Variants in ARHGAP26 observed in about 807,000 individuals in gnomAD.
ARHGAP26 encodes rho GTPase-activating protein 26.
ARHGAP26 carries 38 observed loss-of-function variants against 104.8 expected under a neutral mutation model. The observed-to-expected ratio is 0.36, with a 90% CI of 0.28 to 0.48. ARHGAP26 has a LOEUF of 0.48. Among genes scored for constraint, ARHGAP26 ranks in the 20% least tolerant of loss-of-function variants. The probability of loss-of-function intolerance (pLI) is 0.99; values close to 1 mark genes in which losing one functional copy is unlikely to be tolerated. For missense variants in ARHGAP26, 704 were observed against 947.9 expected, an observed-to-expected ratio of 0.74 and a Z score of 3.38; for synonymous variants, 341 against 340.0, an observed-to-expected ratio of 1.00 and a Z score of -0.03.
intron 20 of ARHGAP26, among the ~76,000 whole-genome samples, chr5:143,192,123 A>G (rs1026878230): frequency 2.0e-5 from 3 of 152,234 alleles, no homozygotes; most frequent in Non-Finnish European, 4.4e-5. Context: ...TAAAAGAGGG[A>G]TAAGACAACT....
intron 20 of ARHGAP26, among the ~76,000 whole-genome samples, chr5:143,173,874 G>A (rs550095285): frequency 6.6e-6 from 1 of 152,158 alleles, no homozygotes; most frequent in Non-Finnish European, 1.5e-5. Flanking sequence ...TTTTTCTTTG[G>A]TGAAGGCTGT....
chr5:143,050,023 C>T (rs971924989), intron 14 of ARHGAP26, among the ~76,000 whole-genome samples: 1 of 152,160 alleles, frequency 6.6e-6, no homozygotes, highest in African/African-American at 2.4e-5. Flanking sequence ...AGAAAGTAGC[C>T]CCCAAAAGTG....
At chr5:143,075,943 C>G (rs1277850009) in intron 17 of ARHGAP26, among the ~76,000 whole-genome samples, 1 of 151,862 alleles carries the variant, frequency 6.6e-6, no homozygotes, top group Non-Finnish European at 1.5e-5. Context: ...AAACAGTCCA[C>G]CCACCTCATC....
At chr5:143,131,494 A>T (rs1797348856) in intron 18 of ARHGAP26, among the ~76,000 whole-genome samples, 1 of 152,214 alleles carries the variant, frequency 6.6e-6, no homozygotes, top group Non-Finnish European at 1.5e-5. Context: ...ATTCATTTTC[A>T]AATGCTCTTA....
chr5:143,167,212 A>G (rs1200885111), intron 20 of ARHGAP26, among the ~76,000 whole-genome samples: 1 of 151,454 alleles, frequency 6.6e-6, no homozygotes, highest in East Asian at 1.9e-4. Flanking sequence ...CATGCTTGTA[A>G]TGTCAGCATG....
At chr5:142,825,670 C>CT (rs1191044099) in intron 1 of ARHGAP26, among the ~76,000 whole-genome samples, 1 of 152,092 alleles carries the variant, frequency 6.6e-6, no homozygotes, top group East Asian at 1.9e-4. Context: ...ACCTGCAGGA[C>CT]TTTTTTTGGA....
rs115073033 is a variant in ARHGAP26, at chr5:142,944,061, T to C, written c.1107+11936T>C. Among the ~76,000 whole-genome samples, 1,373 of 152,290 alleles carry C rather than the reference T, an allele frequency of 9.0e-3. 12 individuals carry two copies. Among genetic ancestry groups the C allele is most frequent in the Non-Finnish European group, 0.015 (1,034 of 68,016 alleles). ...AATGACTTTTTCTTTGTCATTGGCATTAGTTGCAATTATGTAGTCATGCCT... is the reference window on the plus strand; with the variant it reads ...AATGACTTTTTCTTTGTCATTGGCACTAGTTGCAATTATGTAGTCATGCCT... On this transcript the variant is annotated intron_variant, in intron 11 of 22. Coordinates refer to ENST00000645722, the MANE Select transcript of ARHGAP26 (RefSeq NM_001135608.3).
At chr5:142,870,817 TG>T in intron 1 of ARHGAP26, among the ~76,000 whole-genome samples, 1 of 152,124 alleles carries the variant, frequency 6.6e-6, no homozygotes, top group Non-Finnish European at 1.5e-5. Context: ...GCTGTGGGAT[TG>T]GGGTGGGGGC....
intron 4 of ARHGAP26, among the ~76,000 whole-genome samples, chr5:142,880,830 G>A (rs1472380804): frequency 6.6e-6 from 1 of 152,184 alleles, no homozygotes; most frequent in African/African-American, 2.4e-5. Context: ...ATTAGGGCCT[G>A]CAAAAGATGA....
chr5:143,177,850 T>A (rs1400569633), intron 20 of ARHGAP26, among the ~76,000 whole-genome samples: 3 of 152,052 alleles, frequency 2.0e-5, no homozygotes, highest in African/African-American at 7.2e-5. Context: ...CACTTGAGGG[T>A]GCTCTTTCCA....
intron 18 of ARHGAP26, among the ~76,000 whole-genome samples, chr5:143,130,490 G>A (rs1797200829): frequency 6.6e-6 from 1 of 152,120 alleles, no homozygotes; most frequent in Non-Finnish European, 1.5e-5. Flanking sequence ...CAGCCACATG[G>A]TAGAGCTCCA....
chr5:143,059,908 T>A (rs887848383), intron 17 of ARHGAP26, among the ~76,000 whole-genome samples: 2 of 152,170 alleles, frequency 1.3e-5, no homozygotes, highest in Non-Finnish European at 2.9e-5. Flanking sequence ...TGTTCTTGTC[T>A]CTCGAGCCTC....
chr5:143,055,131 AC>A (rs1598824328), intron 15 of ARHGAP26, among the ~76,000 whole-genome samples: 1 of 152,210 alleles, frequency 6.6e-6, no homozygotes, highest in East Asian at 1.9e-4. Flanking sequence ...TCATGAATAG[AC>A]CAAAATATTT....
intron 1 of ARHGAP26, among the ~76,000 whole-genome samples, chr5:142,822,755 G>A (rs952785328): frequency 2.6e-5 from 4 of 152,112 alleles, no homozygotes; most frequent in African/African-American, 7.2e-5. Context: ...CTTCTTACTG[G>A]TCTTCATCTG....
intron 11 of ARHGAP26, among the ~76,000 whole-genome samples, chr5:142,993,723 C>T (rs74894199): frequency 0.014 from 2,165 of 152,316 alleles, 57 homozygotes; most frequent in African/African-American, 0.045. Flanking sequence ...CACATTGCAG[C>T]CCCAACCTCT....
chr5:143,011,229 A>G (rs1031058971), intron 11 of ARHGAP26, among the ~76,000 whole-genome samples: 8 of 151,262 alleles, frequency 5.3e-5, no homozygotes, highest in Admixed American at 2.6e-4. Context: ...GGTACCCCTC[A>G]TCATTCAGGC....
intron 1 of ARHGAP26, among the ~76,000 whole-genome samples, chr5:142,872,264 A>G (rs1051216634): frequency 5.3e-5 from 8 of 152,178 alleles, no homozygotes; most frequent in African/African-American, 1.9e-4. Context: ...GGGAGCTAAG[A>G]AAAAGTACTG....
intron 1 of ARHGAP26, among the ~76,000 whole-genome samples, chr5:142,842,783 T>C (rs2152203499): frequency 6.6e-6 from 1 of 152,302 alleles, no homozygotes; most frequent in East Asian, 1.9e-4. Flanking sequence ...TTATAGGAGG[T>C]AATATATGCA....
At chr5:143,162,293 A>G (rs561965977) in intron 20 of ARHGAP26, among the ~76,000 whole-genome samples, 2 of 93,408 alleles carry the variant, frequency 2.1e-5, no homozygotes, top group African/African-American at 5.8e-5. Context: ...ATACACACAC[A>G]CACACACACA....
Sources: allele counts gnomAD v4.1 joint callset (sites outside exome capture counted in the v4.1 genomes callset), GRCh38; gene constraint gnomAD v4.1.1; transcripts MANE v1.5; gene names NCBI Gene and HGNC (gene_info 2026-07-23, HGNC 2026-07-21).